Variants in NAA11 observed in about 807,000 individuals in gnomAD.
NAA11 encodes N-alpha-acetyltransferase 11, NatA catalytic subunit, also known as N-alpha-acetyltransferase 11.
NAA11 carries 15 observed loss-of-function variants against 16.1 expected under a neutral mutation model. The ratio of observed to expected loss-of-function variants is 0.93; its 90% CI spans 0.62 to 1.44. NAA11 has a LOEUF of 1.44. Ranked by LOEUF, NAA11 falls within the 40% of genes most tolerant of loss-of-function variation. The pLI is 0.00. For synonymous variants in NAA11, 122 were observed against 112.4 expected, an observed-to-expected ratio of 1.09 and a Z score of -0.54; for missense variants, 298 against 291.3, an observed-to-expected ratio of 1.02 and a Z score of -0.17.
chr4:79,316,254 C>T (rs566226576), downstream of NAA11, among the ~76,000 whole-genome samples: 1 of 152,148 alleles, frequency 6.6e-6, no homozygotes, highest in South Asian at 2.1e-4. Context: ...GAGATAAACA[C>T]ATGGTTGAGA....
intron 2 of NAA11, among the ~76,000 whole-genome samples, chr4:79,276,008 T>G (rs1722639230): frequency 6.6e-6 from 1 of 152,116 alleles, no homozygotes. Flanking sequence ...AGGACAAGAT[T>G]ATTTTAATGG....
the NAA11 span, among the ~76,000 whole-genome samples, chr4:79,186,512 C>A: frequency 2.0e-5 from 3 of 152,128 alleles, no homozygotes; most frequent in South Asian, 6.2e-4. Flanking sequence ...GCATCATTGT[C>A]ATTTTTATTG....
At chr4:79,177,395 T>G in the NAA11 span, among the ~76,000 whole-genome samples, 13 of 62,566 alleles carry the variant, frequency 2.1e-4, no homozygotes, top group Admixed American at 4.9e-4. Context: ...CCCTCTCTTT[T>G]TGACTTATCA....
intron 1 of NAA11, among the ~76,000 whole-genome samples, chr4:79,322,435 T>C (rs917144710): frequency 1.3e-5 from 2 of 152,182 alleles, no homozygotes; most frequent in African/African-American, 2.4e-5. Flanking sequence ...GTGGCAGTTA[T>C]TTTGTTTCTC....
chr4:79,242,032 T>C (rs1457746853), intron 2 of NAA11, among the ~76,000 whole-genome samples: 1 of 152,184 alleles, frequency 6.6e-6, no homozygotes, highest in Non-Finnish European at 1.5e-5. Context: ...GCTATTCCAA[T>C]GTGTTTCTTG....
At chr4:79,243,939 G>A (rs1017047159) in intron 2 of NAA11, among the ~76,000 whole-genome samples, 3 of 152,178 alleles carry the variant, frequency 2.0e-5, no homozygotes, top group African/African-American at 7.2e-5. Flanking sequence ...GCATGTGCAG[G>A]GTTCTCCTTA....
the NAA11 span, among the ~76,000 whole-genome samples, chr4:79,215,157 C>G: frequency 6.6e-6 from 1 of 152,166 alleles, no homozygotes; most frequent in African/African-American, 2.4e-5. Flanking sequence ...CTGCTCTTTT[C>G]TAAATATTGT....
chr4:79,315,150 G>T (rs1723889684), downstream of NAA11, among the ~76,000 whole-genome samples: 1 of 151,714 alleles, frequency 6.6e-6, no homozygotes, highest in Non-Finnish European at 1.5e-5. Flanking sequence ...GAGCAATGTA[G>T]GAACTAGTTA....
At chr4:79,186,837 G>C in the NAA11 span, among the ~76,000 whole-genome samples, 1 of 152,122 alleles carries the variant, frequency 6.6e-6, no homozygotes, top group East Asian at 1.9e-4. Context: ...CAGCACCTGT[G>C]AGGCTCCAAA....
the NAA11 span, among the ~76,000 whole-genome samples, chr4:79,191,387 T>C: frequency 5.3e-5 from 8 of 152,014 alleles, no homozygotes; most frequent in Admixed American, 4.6e-4. Flanking sequence ...TGGTGTGAGA[T>C]GGTATCTCAT....
intron 2 of NAA11, among the ~76,000 whole-genome samples, chr4:79,288,811 T>G (rs1297981137): frequency 6.6e-6 from 1 of 152,168 alleles, no homozygotes; most frequent in Non-Finnish European, 1.5e-5. Flanking sequence ...TTAAAGTCAT[T>G]CATAATCCTA....
chr4:79,251,023 A>G (rs1721981549), intron 2 of NAA11, among the ~76,000 whole-genome samples: 1 of 152,236 alleles, frequency 6.6e-6, no homozygotes, highest in Non-Finnish European at 1.5e-5. Context: ...TGCTGGTGGA[A>G]ACGTAAATTA....
At chr4:79,235,248 G>T (rs1486423530) in intron 2 of NAA11, among the ~76,000 whole-genome samples, 1 of 152,062 alleles carries the variant, frequency 6.6e-6, no homozygotes, top group Non-Finnish European at 1.5e-5. Context: ...GCACCCACAG[G>T]ATTCACGCTT....
chr4:79,274,265 T>C (rs960604773), intron 2 of NAA11, among the ~76,000 whole-genome samples: 25 of 152,056 alleles, frequency 1.6e-4, no homozygotes, highest in African/African-American at 6.0e-4. Flanking sequence ...CGGGATGGTG[T>C]TGGCAATTCT....
At chr4:79,199,765 C>T in the NAA11 span, among the ~76,000 whole-genome samples, 9 of 151,812 alleles carry the variant, frequency 5.9e-5, no homozygotes, top group African/African-American at 1.4e-4. Context: ...AAACCATTTA[C>T]GCCTTTTCTC....
chr4:79,163,336 T>C, the NAA11 span, among the ~76,000 whole-genome samples: 8 of 152,300 alleles, frequency 5.3e-5, no homozygotes, highest in African/African-American at 1.9e-4. Context: ...TGCTGTGAAC[T>C]AGAAGAGATC....
the NAA11 span, among the ~76,000 whole-genome samples, chr4:79,188,932 T>C: frequency 2.2e-4 from 34 of 151,144 alleles, no homozygotes; most frequent in South Asian, 6.3e-3. Flanking sequence ...GAAGAGGAAA[T>C]ATAAGAAACT....
chr4:79,207,645 A>G, the NAA11 span, among the ~76,000 whole-genome samples: 1 of 152,144 alleles, frequency 6.6e-6, no homozygotes, highest in African/African-American at 2.4e-5. Flanking sequence ...TGAGCAGACT[A>G]ATACACCTAA....
chr4:79,184,942 A>ATCT, the NAA11 span, among the ~76,000 whole-genome samples: 1 of 152,160 alleles, frequency 6.6e-6, no homozygotes, highest in African/African-American at 2.4e-5. Context: ...TATTAACTAC[A>ATCT]TCTTTTTTCT....
Sources: gnomAD v4.1 joint callset for allele counts (sites outside exome capture counted in the v4.1 genomes callset) on GRCh38, gnomAD v4.1.1 for gene constraint, MANE v1.5 for transcripts, NCBI Gene and HGNC (gene_info 2026-07-23, HGNC 2026-07-21) for gene names.